The following KLHL5 variants were observed in gnomAD, a reference collection of about 807,000 sequenced individuals.
The protein encoded by KLHL5 is kelch-like protein 5.
Under a neutral mutation model 77.7 loss-of-function variants are expected in KLHL5, and 48 were observed. That is an observed-to-expected ratio of 0.62 (90% CI 0.49 to 0.79). KLHL5 has a LOEUF of 0.79. Ranked by LOEUF, KLHL5 falls within the 30% of genes least tolerant of loss-of-function variation. KLHL5 has a pLI of 0.00. For missense variants in KLHL5, 723 were observed against 859.7 expected, an observed-to-expected ratio of 0.84 and a Z score of 1.99; for synonymous variants, 260 against 297.0, an observed-to-expected ratio of 0.88 and a Z score of 1.28.
rs1230419683 is a variant in KLHL5, at chr4:39,121,429, C to G, written c.*363C>G. 5 of 187,978 alleles carry G rather than the reference C, an allele frequency of 2.7e-5. No individual in the cohort carries two copies. Among genetic ancestry groups the G allele is most frequent in the Non-Finnish European group, 5.5e-5 (5 of 91,458 alleles). The allele number at this position is 187,978 out of a possible 1,614,324, so 11.6% of individuals were successfully genotyped here. A position where few individuals can be genotyped will look rare whatever the true frequency, so the allele number is the denominator to read the frequency against. On this transcript the variant is annotated 3_prime_UTR_variant, in exon 11 of 11. Transcript: ENST00000504108. Reference sequence around the variant, plus strand: ...TTTATTTTCCTACAGTGCAAACACACCAGATGAAACTTTAAAATGTTACTT... The same window carrying G: ...TTTATTTTCCTACAGTGCAAACACAGCAGATGAAACTTTAAAATGTTACTT...
the KLHL5 span, among the ~76,000 whole-genome samples, chr4:39,137,493 G>A: frequency 5.3e-5 from 8 of 152,190 alleles, no homozygotes; most frequent in Admixed American, 1.3e-4. Flanking sequence ...GCATGGTGGT[G>A]CACACCTGTA....
intron 2 of KLHL5, among the ~76,000 whole-genome samples, chr4:39,076,442 A>AAAT (rs756803334): frequency 6.6e-6 from 1 of 152,156 alleles, no homozygotes; most frequent in Non-Finnish European, 1.5e-5. Flanking sequence ...CTACCTATTA[A>AAAT]ATACTTTAAG....
chr4:39,069,124 A>T (rs1315858042), intron 1 of KLHL5, among the ~76,000 whole-genome samples: 1 of 152,152 alleles, frequency 6.6e-6, no homozygotes, highest in Admixed American at 6.6e-5. Flanking sequence ...GCTGTCCCTC[A>T]GCATGCCAAC....
At position 39,102,078 on chromosome 4, in the gene KLHL5, C is replaced by T. The variant is rs567350935; in HGVS notation, c.1301-1209C>T. ...ATAAAAAATAATAAAAACTATAACA[C>T]GAGAAAATCTATATGTATAACACAA... On this transcript the variant is annotated intron_variant, in intron 6 of 10. Coordinates refer to ENST00000504108, the MANE Select transcript of KLHL5 (RefSeq NM_015990.5). Among the ~76,000 whole-genome samples, 69 of 150,296 alleles carry T rather than the reference C, an allele frequency of 4.6e-4. No individual in the cohort carries two copies. The South Asian group carries it at 6.7e-3, about 15-fold the overall frequency.
intron 2 of KLHL5, among the ~76,000 whole-genome samples, chr4:39,077,341 A>T (rs1050978590): frequency 7.9e-5 from 12 of 152,088 alleles, no homozygotes; most frequent in Admixed American, 7.2e-4. Flanking sequence ...AGGCACTTGT[A>T]GTCCCAGCTA....
At chr4:39,108,159 C>G (rs1236410192) in intron 8 of KLHL5, among the ~76,000 whole-genome samples, 1 of 151,706 alleles carries the variant, frequency 6.6e-6, no homozygotes, top group Non-Finnish European at 1.5e-5. Flanking sequence ...TGACTTTTAC[C>G]TCTTTTCTTT....
chr4:39,104,388 G>A (rs1458178993), intron 7 of KLHL5, among the ~76,000 whole-genome samples: 3 of 152,192 alleles, frequency 2.0e-5, no homozygotes, highest in Non-Finnish European at 4.4e-5. Context: ...AAGCATGAAT[G>A]AGACTTAGAA....
intron 1 of KLHL5, among the ~76,000 whole-genome samples, chr4:39,045,870 A>T (rs1716144836): frequency 2.0e-5 from 3 of 149,856 alleles, no homozygotes; most frequent in Non-Finnish European, 4.4e-5. Context: ...CTTCTTCCAG[A>T]GGTTAGATGT....
downstream of KLHL5, among the ~76,000 whole-genome samples, chr4:39,130,081 C>T (rs1169808686): frequency 6.6e-6 from 1 of 152,094 alleles, no homozygotes; most frequent in African/African-American, 2.4e-5. Context: ...AATCCAGCGG[C>T]GCTAGAGGAA....
the KLHL5 span, among the ~76,000 whole-genome samples, chr4:39,138,740 C>T: frequency 3.9e-5 from 6 of 151,952 alleles, no homozygotes; most frequent in African/African-American, 1.5e-4. Flanking sequence ...TGCACATGTA[C>T]CCCTGAACTT....
At chr4:39,083,544 CA>C (rs1719804091) in intron 4 of KLHL5, among the ~76,000 whole-genome samples, 1 of 152,156 alleles carries the variant, frequency 6.6e-6, no homozygotes, top group South Asian at 2.1e-4. Context: ...ATAGCCCTAG[CA>C]TGCTATTATG....
intron 8 of KLHL5, among the ~76,000 whole-genome samples, 175 bp downstream of exon 8, chr4:39,107,906 C>T (rs957958939): frequency 2.0e-5 from 3 of 151,844 alleles, no homozygotes; most frequent in African/African-American, 7.3e-5. Context: ...TTAAGCTAGG[C>T]TTTCATTTTA....
chr4:39,139,246 C>CACTCCAGCCTGGGCATCAAGAATGAA, the KLHL5 span, among the ~76,000 whole-genome samples: 4 of 149,516 alleles, frequency 2.7e-5, no homozygotes, highest in Admixed American at 2.0e-4. Flanking sequence ...CACACCACTG[C>CACTCCAGCCTGGGCATCAAGAATGAA]ACTCCAGCCT....
chr4:39,049,879 C>T (rs1295659004), intron 1 of KLHL5, among the ~76,000 whole-genome samples: 1 of 151,896 alleles, frequency 6.6e-6, no homozygotes, highest in Non-Finnish European at 1.5e-5. Flanking sequence ...CGAGACCAGC[C>T]TGGCCAACAT....
Position 39,124,822 on chromosome 4 carries a change from A to C in KLHL5, c.*3756A>C, listed in dbSNP as rs1376249026. Among the ~76,000 whole-genome samples the C allele has an allele frequency of 2.7e-5, 4 of 149,436 alleles. No homozygotes were observed. Among genetic ancestry groups the C allele is most frequent in the African/African-American group, 9.9e-5 (4 of 40,208 alleles). ...AACAGCAAAAAAAAAAAAAAAAAAA[A>C]AAAATCAAAATTAAAAGCTTCTACA... On this transcript the variant is annotated 3_prime_UTR_variant, in exon 11 of 11. Coordinates refer to ENST00000504108, the MANE Select transcript of KLHL5 (RefSeq NM_015990.5).
At chr4:39,074,243 T>G (rs548799169) in intron 1 of KLHL5, among the ~76,000 whole-genome samples, 1 of 152,308 alleles carries the variant, frequency 6.6e-6, no homozygotes, top group South Asian at 2.1e-4. Context: ...CCAAGGGCAT[T>G]TATCTGATGC....
downstream of KLHL5, chr4:39,126,962 G>A (rs1010868858): frequency 6.1e-5 from 21 of 346,602 alleles, no homozygotes; most frequent in Admixed American, 1.2e-4. Context: ...AAATGTAATC[G>A]TTTACCATGA....
chr4:39,072,764 A>C (rs2109335584), intron 1 of KLHL5, among the ~76,000 whole-genome samples: 1 of 152,298 alleles, frequency 6.6e-6, no homozygotes, highest in South Asian at 2.1e-4. Context: ...AAAAAGAGTA[A>C]GGAAGTCTTA....
upstream of KLHL5, chr4:39,044,966 CA>C (rs111344840): frequency 1 from 984,167 of 984,172 alleles, 492,081 homozygotes; most frequent in Middle Eastern, 1. Flanking sequence ...GCTGCCCGGA[CA>C]GGGTCTAGGG....
Sources: gnomAD v4.1 joint callset for allele counts (sites outside exome capture counted in the v4.1 genomes callset) on GRCh38, gnomAD v4.1.1 for gene constraint, MANE v1.5 for transcripts, NCBI Gene and HGNC (gene_info 2026-07-23, HGNC 2026-07-21) for gene names.